The following SUGT1 variants were observed in gnomAD, a reference collection of about 807,000 sequenced individuals.
SUGT1 encodes the protein SGT1 assembly cochaperone of MIS12 kinetochore complex.
SUGT1 carries 15 observed loss-of-function variants against 56.1 expected under a neutral mutation model. The ratio of observed to expected loss-of-function variants is 0.27; its 90% CI spans 0.18 to 0.41. The LOEUF is 0.41. Among genes scored for constraint, SUGT1 ranks in the 10% least tolerant of loss-of-function variants. The probability of loss-of-function intolerance (pLI) is 1.00; values close to 1 mark genes in which losing one functional copy is unlikely to be tolerated. For synonymous variants in SUGT1, 123 were observed against 128.6 expected (o/e 0.96, Z 0.30); for missense variants, 347 against 382.2 (o/e 0.91, Z 0.77).
At chr13:52,662,352 C>CT (rs1199954624) in intron 5 of SUGT1, among the ~76,000 whole-genome samples, 3 of 152,156 alleles carry the variant, frequency 2.0e-5, no homozygotes, top group Non-Finnish European at 2.9e-5. Flanking sequence ...GGAAGCTTCT[C>CT]TAAGAGCAGC....
rs1385440757 is a variant in SUGT1 at position 52,664,273 on chromosome 13, A to C, written c.422+216A>C. On this transcript the variant is annotated intron_variant, in intron 8 of 12. Coordinates refer to ENST00000310528, the MANE Select transcript of SUGT1 (RefSeq NM_006704.5). Reference sequence around the variant, plus strand: ...AATTCAAATCATTTCTCATCTTTAAAGTTGCTTCACTTGGTTTCATATTAT... The same window carrying C: ...AATTCAAATCATTTCTCATCTTTAACGTTGCTTCACTTGGTTTCATATTAT... Among the ~76,000 whole-genome samples the C allele has an allele frequency of 2.0e-5, 3 of 152,348 alleles. No homozygotes were observed. In the South Asian group the frequency reaches 6.2e-4, roughly 32 times the overall value.
intron 7 of SUGT1, among the ~76,000 whole-genome samples, chr13:52,663,742 C>T (rs1962562411): frequency 6.6e-6 from 1 of 152,104 alleles, no homozygotes; most frequent in Non-Finnish European, 1.5e-5. Context: ...TCTAATCATG[C>T]CTTTAGAAGT....
At chr13:52,654,170 T>C (rs1962051820) in intron 2 of SUGT1, among the ~76,000 whole-genome samples, 1 of 152,184 alleles carries the variant, frequency 6.6e-6, no homozygotes, top group Non-Finnish European at 1.5e-5. Context: ...ATAAGGCCTT[T>C]TAGGGTCCAG....
intron 12 of SUGT1, among the ~76,000 whole-genome samples, chr13:52,685,441 G>A (rs1209147612): frequency 6.6e-6 from 1 of 151,838 alleles, no homozygotes; most frequent in Admixed American, 6.6e-5. Context: ...CATCTAGGGT[G>A]TTTAGATTTA....
intron 11 of SUGT1, among the ~76,000 whole-genome samples, chr13:52,679,615 GTC>G (rs1963288570): frequency 1.3e-5 from 2 of 152,226 alleles, no homozygotes; most frequent in East Asian, 3.9e-4. Context: ...TGTTCGTACT[GTC>G]TCTGCAACTT....
chr13:52,661,322 G>GT (rs1962437719), intron 5 of SUGT1, among the ~76,000 whole-genome samples: 1 of 151,660 alleles, frequency 6.6e-6, no homozygotes, highest in South Asian at 2.1e-4. Context: ...TTGTTTGTTT[G>GT]TTTCTTTTTT....
At chr13:52,671,703 A>C (rs963935782) in intron 10 of SUGT1, among the ~76,000 whole-genome samples, 5 of 152,112 alleles carry the variant, frequency 3.3e-5, no homozygotes, top group African/African-American at 9.7e-5. Flanking sequence ...AGTGTCATTT[A>C]ATCTTCTTGA....
rs1964055880 is a variant in SUGT1 at position 52,700,691 on chromosome 13, T to C, written c.*12856T>C. ...TGTTTGAGATACGCTTTTAGGACTGTCTATGCATGTAGACTTTGGTCAACT... is the reference window on the plus strand; with the variant it reads ...TGTTTGAGATACGCTTTTAGGACTGCCTATGCATGTAGACTTTGGTCAACT... On this transcript the variant is annotated 3_prime_UTR_variant, in exon 13 of 13. Transcript: ENST00000310528. 1 of 152,198 alleles carries C rather than the reference T, an allele frequency of 6.6e-6. No individual in the cohort carries two copies. Among genetic ancestry groups the C allele is most frequent in the African/African-American group, 2.4e-5 (1 of 41,444 alleles). 9.4% of individuals were successfully genotyped at this position (152,198 alleles called of 1,614,324 possible). A position where few individuals can be genotyped will look rare whatever the true frequency, so the allele number is the denominator to read the frequency against.
Position 52,698,660 on chromosome 13 carries a change from T to C in SUGT1, c.*10825T>C, listed in dbSNP as rs905082605. 1 of 152,676 alleles carries C rather than the reference T, an allele frequency of 6.5e-6. No homozygotes were observed. The highest frequency in any genetic ancestry group is 1.5e-5 in the Non-Finnish European group (1 of 68,530). The allele number at this position is 152,676 out of a possible 1,614,324, so 9.5% of individuals were successfully genotyped here. ...GTGTTGCCCGGGCTGCTCTCTTAAC[T>C]CCTGGCCTCAAGTAATCCTCTTGCC... On this transcript the variant is annotated 3_prime_UTR_variant, in exon 13 of 13. Transcript: ENST00000310528.
chr13:52,652,903 C>T lies in SUGT1; in HGVS notation c.-18C>T. 6.2e-7 allele frequency: 1 copy of T among 1,612,766 alleles called. No homozygotes were observed. Among genetic ancestry groups the T allele is most frequent in the African/African-American group, 1.3e-5 (1 of 75,040 alleles). ...GTGATAGTAGCAGCTCCGGCGGCAG[C>T]AACAGCGACTACGAGGGATGGCGGC... is the stretch of plus-strand genomic sequence containing the variant. On this transcript the variant is annotated 5_prime_UTR_variant, in exon 1 of 13. Transcript: ENST00000310528.
chr13:52,690,294 T>A lies in SUGT1; in HGVS notation c.*2459T>A, dbSNP rs533093769. 8 of 152,256 alleles carry A rather than the reference T, an allele frequency of 5.3e-5. No individual in the cohort carries two copies. Among genetic ancestry groups the A allele is most frequent in the African/African-American group, 7.2e-5 (3 of 41,560 alleles). 9.4% of individuals were successfully genotyped at this position (152,256 alleles called of 1,614,324 possible). A position where few individuals can be genotyped will look rare whatever the true frequency, so the allele number is the denominator to read the frequency against. On this transcript the variant is annotated 3_prime_UTR_variant, in exon 13 of 13. Transcript: ENST00000310528. ...CTCCAGAAAGTTAAAACAAAAAACT[T>A]CTTTCTGATTAAGAGCCTCTTAACT... is the stretch of plus-strand genomic sequence containing the variant.
At chr13:52,660,043 A>C (rs961409847) in intron 5 of SUGT1, among the ~76,000 whole-genome samples, 2 of 151,212 alleles carry the variant, frequency 1.3e-5, no homozygotes, top group South Asian at 4.2e-4. Context: ...GTTAGCCAGG[A>C]TGGTCTCAAT....
At chr13:52,673,364 A>T (rs1044285910) in intron 10 of SUGT1, among the ~76,000 whole-genome samples, 2 of 151,564 alleles carry the variant, frequency 1.3e-5, no homozygotes, top group African/African-American at 4.9e-5. Flanking sequence ...CTCCCACTTC[A>T]GCCTCCCAGA....
intron 12 of SUGT1, among the ~76,000 whole-genome samples, chr13:52,685,137 A>C (rs1270462016): frequency 6.6e-6 from 1 of 151,268 alleles, no homozygotes; most frequent in Non-Finnish European, 1.5e-5. Flanking sequence ...TGCGATCATG[A>C]ATCATTGCAG....
chr13:52,664,032 C>T lies in SUGT1; in HGVS notation c.400-3C>T, dbSNP rs755108686. Reference sequence around the variant, plus strand: ...AACTTACCAAAATCAATCTGCATCCCAGTGGACTCATCAGTCAAAAATCAA... The same window carrying T: ...AACTTACCAAAATCAATCTGCATCCTAGTGGACTCATCAGTCAAAAATCAA... On this transcript the variant is annotated splice_region_variant and splice_polypyrimidine_tract_variant and intron_variant, in intron 7 of 12. Coordinates refer to ENST00000310528, the MANE Select transcript of SUGT1 (RefSeq NM_006704.5). 1.3e-5 allele frequency: 21 copies of T among 1,613,074 alleles called. No individual in the cohort carries two copies. Among genetic ancestry groups the T allele is most frequent in the Non-Finnish European group, 1.8e-5 (21 of 1,179,574 alleles).
At chr13:52,682,895 G>A (rs1192253533) in intron 12 of SUGT1, among the ~76,000 whole-genome samples, 2 of 151,974 alleles carry the variant, frequency 1.3e-5, no homozygotes, top group Non-Finnish European at 2.9e-5. Context: ...ATATAATTTT[G>A]GTGTTCATTA....
Position 52,688,231 on chromosome 13 carries a change from T to TA in SUGT1, c.*397dup, listed in dbSNP as rs1963669055. 6.5e-6 allele frequency: 1 copy of TA among 153,048 alleles called. No homozygotes were observed. The highest frequency in any genetic ancestry group is 1.5e-5 in the Non-Finnish European group (1 of 68,338). The allele number at this position is 153,048 out of a possible 1,614,324, so 9.5% of individuals were successfully genotyped here. ...AGCTTAGATTTTTCACCTTCAGTGT[T>TA]ACATTGTGTTTGCTTTTAAAAACTG... On this transcript the variant is annotated 3_prime_UTR_variant, in exon 13 of 13. Transcript: ENST00000310528.
rs1963829582 is a variant in SUGT1, at chr13:52,693,165, T to G, written c.*5330T>G. On this transcript the variant is annotated 3_prime_UTR_variant, in exon 13 of 13. Transcript: ENST00000310528. The stretch of plus-strand genomic sequence containing the variant: ...TTTGGCTTGTCTGGAGTCTTAAATA[T>G]TTGGTATGCCTTCACATTTGGATTT... 1 of 152,120 alleles carries G rather than the reference T, an allele frequency of 6.6e-6. No individual in the cohort carries two copies. The highest frequency in any genetic ancestry group is 6.5e-5 in the Admixed American group (1 of 15,280). The allele number at this position is 152,120 out of a possible 1,614,324, so 9.4% of individuals were successfully genotyped here. A position where few individuals can be genotyped will look rare whatever the true frequency, so the allele number is the denominator to read the frequency against.
intron 11 of SUGT1, among the ~76,000 whole-genome samples, chr13:52,676,756 A>G (rs1019313585): frequency 6.6e-6 from 1 of 152,148 alleles, no homozygotes; most frequent in East Asian, 1.9e-4. Flanking sequence ...AGGGCTTTAC[A>G]GGGTAAGGTA....
Sources: allele counts gnomAD v4.1 joint callset (sites outside exome capture counted in the v4.1 genomes callset), GRCh38; gene constraint gnomAD v4.1.1; transcripts MANE v1.5; gene names NCBI Gene and HGNC (gene_info 2026-07-23, HGNC 2026-07-21).